TAS2R1: variants seen among roughly 807,000 people sequenced by gnomAD.
TAS2R1 encodes the protein taste receptor type 2 member 1.
For missense variants in TAS2R1, 370 were observed against 353.4 expected, an observed-to-expected ratio of 1.05 and a Z score of -0.38; for synonymous variants, 141 against 134.2, an observed-to-expected ratio of 1.05 and a Z score of -0.35.
At chr5:9,864,521 T>C in the TAS2R1 span, among the ~76,000 whole-genome samples, 11 of 151,484 alleles carry the variant, frequency 7.3e-5, no homozygotes, top group Non-Finnish European at 1.5e-4. Context: ...TAGTCCCAGC[T>C]ACCCAGGAGG....
chr5:9,861,925 A>G, the TAS2R1 span, among the ~76,000 whole-genome samples: 6 of 152,376 alleles, frequency 3.9e-5, no homozygotes, highest in East Asian at 1.9e-4. Context: ...CGCACACTTA[A>G]GCATAATGGA....
At chr5:9,708,300 T>A (rs890070627) in intron 1 of TAS2R1, among the ~76,000 whole-genome samples, 1 of 152,194 alleles carries the variant, frequency 6.6e-6, no homozygotes, top group African/African-American at 2.4e-5. Flanking sequence ...CAAGTAAGAA[T>A]CCTTGAGGTG....
At chr5:9,711,142 A>G (rs1236020462) in intron 1 of TAS2R1, among the ~76,000 whole-genome samples, 2 of 152,012 alleles carry the variant, frequency 1.3e-5, no homozygotes, top group Non-Finnish European at 1.5e-5. Context: ...ACCAAGCGGA[A>G]TCCAGCAATC....
At chr5:9,760,956 G>A in the TAS2R1 span, 1 of 152,198 alleles carries the variant, frequency 6.6e-6, no homozygotes, top group East Asian at 1.9e-4. Flanking sequence ...GATCTCCGAA[G>A]CTAAGCAGGG....
chr5:9,802,986 G>A, the TAS2R1 span, among the ~76,000 whole-genome samples: 1 of 152,088 alleles, frequency 6.6e-6, no homozygotes, highest in Non-Finnish European at 1.5e-5. Context: ...CCAACTTAAA[G>A]AAATCAAAAA....
chr5:9,662,190 A>G (rs1031940702), intron 1 of TAS2R1, among the ~76,000 whole-genome samples: 3 of 152,020 alleles, frequency 2.0e-5, no homozygotes, highest in African/African-American at 7.3e-5. Context: ...AAGAAAATCT[A>G]CTCCTTGATG....
chr5:9,778,671 C>G, the TAS2R1 span, among the ~76,000 whole-genome samples: 1 of 152,226 alleles, frequency 6.6e-6, no homozygotes. Context: ...ATGGAGATGG[C>G]TTACTTCCTC....
chr5:9,878,856 G>A, the TAS2R1 span, among the ~76,000 whole-genome samples: 1 of 152,212 alleles, frequency 6.6e-6, no homozygotes, highest in Admixed American at 6.5e-5. Flanking sequence ...TCCCTTCCCT[G>A]TGTGGTCCTG....
rs115503578 is a variant in TAS2R1 at position 9,660,556 on chromosome 5, C to G, written c.-241-975G>C. On this transcript the variant is annotated intron_variant, in intron 1 of 2. Coordinates refer to the TAS2R1 transcript ENST00000506620. ...CCAATGGCCGCAACGTCCTTAAAAC[C>G]CATGCATCCAAACATCCTGTGCCTC... 9.9e-3 allele frequency among the ~76,000 whole-genome samples: 1,504 copies of G among 152,146 alleles called. 17 individuals are homozygous for G. Among genetic ancestry groups the G allele is most frequent in the Non-Finnish European group, 0.015 (1,035 of 68,012 alleles).
the TAS2R1 span, among the ~76,000 whole-genome samples, chr5:9,892,449 T>C: frequency 6.6e-6 from 1 of 152,224 alleles, no homozygotes; most frequent in Non-Finnish European, 1.5e-5. Context: ...CCAGTGATTA[T>C]TAGACTTTGC....
intron 1 of TAS2R1, among the ~76,000 whole-genome samples, chr5:9,688,353 C>T (rs1579784228): frequency 6.6e-6 from 1 of 152,240 alleles, no homozygotes; most frequent in South Asian, 2.1e-4. Flanking sequence ...TTATAGTGAA[C>T]TACTATCATG....
At chr5:9,658,975 T>C (rs1740472295) in intron 2 of TAS2R1, among the ~76,000 whole-genome samples, 2 of 152,214 alleles carry the variant, frequency 1.3e-5, no homozygotes, top group South Asian at 4.1e-4. Flanking sequence ...CAGTCTATAC[T>C]CTGCCTTTCC....
chr5:9,717,702 T>A, the TAS2R1 span, among the ~76,000 whole-genome samples: 1 of 151,968 alleles, frequency 6.6e-6, no homozygotes, highest in East Asian at 1.9e-4. Flanking sequence ...AAAAAGAATT[T>A]CCATTTGGAA....
the TAS2R1 span, among the ~76,000 whole-genome samples, chr5:9,843,181 C>T: frequency 6.6e-6 from 1 of 152,126 alleles, no homozygotes; most frequent in Non-Finnish European, 1.5e-5. Flanking sequence ...CTCTATAATT[C>T]TTTTCCCTCT....
the TAS2R1 span, among the ~76,000 whole-genome samples, chr5:9,753,305 A>G: frequency 6.6e-6 from 1 of 152,182 alleles, no homozygotes; most frequent in African/African-American, 2.4e-5. Context: ...GCCAGTGATG[A>G]TAAGCATTTT....
the TAS2R1 span, among the ~76,000 whole-genome samples, chr5:9,791,780 G>C: frequency 6.6e-6 from 1 of 152,134 alleles, no homozygotes; most frequent in African/African-American, 2.4e-5. Context: ...GGGTACCTGT[G>C]TTTTTAGATA....
the TAS2R1 span, among the ~76,000 whole-genome samples, chr5:9,818,717 G>C: frequency 6.6e-6 from 1 of 152,212 alleles, no homozygotes; most frequent in Non-Finnish European, 1.5e-5. Flanking sequence ...CACATCCTCA[G>C]GGTGAGACTC....
chr5:9,688,320 T>C (rs1217230460), intron 1 of TAS2R1, among the ~76,000 whole-genome samples: 4 of 152,172 alleles, frequency 2.6e-5, no homozygotes, highest in African/African-American at 9.7e-5. Flanking sequence ...CCCCCCTCAA[T>C]ATTTTATTGG....
chr5:9,810,926 A>G, the TAS2R1 span, among the ~76,000 whole-genome samples: 1 of 152,080 alleles, frequency 6.6e-6, no homozygotes, highest in African/African-American at 2.4e-5. Flanking sequence ...CCAGCACTTT[A>G]CCCACTGGCT....
Sources: allele counts gnomAD v4.1 joint callset (sites outside exome capture counted in the v4.1 genomes callset), GRCh38; gene constraint gnomAD v4.1.1; transcripts MANE v1.5; gene names NCBI Gene and HGNC (gene_info 2026-07-23, HGNC 2026-07-21).